Variants in CLDN14 observed in about 807,000 individuals in gnomAD.
The protein encoded by CLDN14 is claudin 14.
CLDN14 carries 2 observed loss-of-function variants against 2.1 expected under a neutral mutation model. That is an observed-to-expected ratio of 0.96 (90% confidence interval 0.39 to 3.01). The LOEUF (loss-of-function observed/expected upper bound fraction) is 3.01. CLDN14 is among the 30% of genes most tolerant of loss of function. CLDN14 has a pLI of 0.09. For missense variants in CLDN14, 298 were observed against 328.0 expected, an observed-to-expected ratio of 0.91 and a Z score of 0.71; for synonymous variants, 136 against 154.4, an observed-to-expected ratio of 0.88 and a Z score of 0.88.
intron 1 of CLDN14, among the ~76,000 whole-genome samples, chr21:36,562,249 G>A (rs534248442): frequency 8.5e-5 from 13 of 152,236 alleles, no homozygotes; most frequent in African/African-American, 2.4e-4. Context: ...TGGGAAATCT[G>A]GCAGGGTATG....
intron 1 of CLDN14, among the ~76,000 whole-genome samples, chr21:36,470,385 G>A (rs965002309): frequency 6.6e-6 from 1 of 152,172 alleles, no homozygotes; most frequent in Non-Finnish European, 1.5e-5. Flanking sequence ...ATGTGCAGAC[G>A]GAGGCAGAGA....
intron 1 of CLDN14, among the ~76,000 whole-genome samples, chr21:36,523,761 A>AGAAAGAG (rs2087293741): frequency 2.1e-5 from 1 of 47,978 alleles, no homozygotes; most frequent in African/African-American, 7.8e-5. Flanking sequence ...AAAAAAAAAA[A>AGAAAGAG]AGAAAGAAAG....
intron 1 of CLDN14, among the ~76,000 whole-genome samples, chr21:36,554,621 C>T (rs1165777067): frequency 1.3e-5 from 2 of 152,118 alleles, no homozygotes. Context: ...GAAGCTTGCC[C>T]AGAGTCACAC....
intron 1 of CLDN14, among the ~76,000 whole-genome samples, chr21:36,548,873 T>C (rs1434505416): frequency 6.6e-6 from 1 of 152,090 alleles, no homozygotes; most frequent in Non-Finnish European, 1.5e-5. Context: ...AGCAAGGCCT[T>C]CCCTGACTGC....
At chr21:36,481,954 G>A (rs951486072), upstream of CLDN14, among the ~76,000 whole-genome samples, 6 of 152,194 alleles carry the variant, frequency 3.9e-5, no homozygotes, top group African/African-American at 1.2e-4. Flanking sequence ...CACACAGAGC[G>A]AGGGAAAATG....
chr21:36,533,907 G>A (rs2087402927), intron 1 of CLDN14, among the ~76,000 whole-genome samples: 2 of 152,166 alleles, frequency 1.3e-5, no homozygotes, highest in African/African-American at 4.8e-5. Flanking sequence ...CTTAATACCT[G>A]GGTGATGAAA....
At chr21:36,538,910 C>A (rs188748534) in intron 1 of CLDN14, among the ~76,000 whole-genome samples, 1 of 152,308 alleles carries the variant, frequency 6.6e-6, no homozygotes, top group East Asian at 1.9e-4. Flanking sequence ...ACCCCCAGCA[C>A]CAGGTCAAGG....
chr21:36,534,021 A>ACGTG (rs2087404422), intron 1 of CLDN14, among the ~76,000 whole-genome samples: 2 of 152,336 alleles, frequency 1.3e-5, no homozygotes, highest in Admixed American at 1.3e-4. Flanking sequence ...GTAAGATCTG[A>ACGTG]CGTGCCTGTG....
chr21:36,530,586 A>G lies in CLDN14; in HGVS notation c.-219-20086T>C, dbSNP rs117110524. Among the ~76,000 whole-genome samples, 31 of 152,376 alleles carry G rather than the reference A, an allele frequency of 2.0e-4. No individual in the cohort carries two copies. In the East Asian group the frequency reaches 2.3e-3, roughly 11 times the overall value. Reference sequence around the variant, plus strand: ...ATAAATCTAACAAAGGGCAGAGGCCATGTGATAACAAAGACAGTAAGTGAA... The same window carrying G: ...ATAAATCTAACAAAGGGCAGAGGCCGTGTGATAACAAAGACAGTAAGTGAA... On this transcript the variant is annotated intron_variant, in intron 1 of 2. Transcript: ENST00000342108.
intron 1 of CLDN14, among the ~76,000 whole-genome samples, chr21:36,465,420 C>A (rs1311823639): frequency 2.0e-5 from 3 of 152,208 alleles, no homozygotes; most frequent in Non-Finnish European, 2.9e-5. Flanking sequence ...TAAGGATTTG[C>A]TAATTTAAGA....
chr21:36,484,073 A>C (rs976488007), upstream of CLDN14, among the ~76,000 whole-genome samples: 2 of 152,214 alleles, frequency 1.3e-5, no homozygotes, highest in Non-Finnish European at 2.9e-5. Context: ...GCAGGGACAC[A>C]GGAACCTAGA....
chr21:36,513,789 C>T (rs940349341), intron 1 of CLDN14, among the ~76,000 whole-genome samples: 1 of 152,146 alleles, frequency 6.6e-6, no homozygotes, highest in Non-Finnish European at 1.5e-5. Context: ...TACAAGCAGC[C>T]CCTCAGTCTG....
chr21:36,571,091 C>T (rs1197541952), intron 1 of CLDN14, among the ~76,000 whole-genome samples: 1 of 152,254 alleles, frequency 6.6e-6, no homozygotes, highest in Non-Finnish European at 1.5e-5. Context: ...CTGCCTGCCT[C>T]AGCCTCCGAA....
At chr21:36,549,491 C>A (rs2087549163) in intron 1 of CLDN14, among the ~76,000 whole-genome samples, 1 of 152,220 alleles carries the variant, frequency 6.6e-6, no homozygotes, top group Non-Finnish European at 1.5e-5. Flanking sequence ...TTTCTCAGGG[C>A]ACCCCACAGA....
intron 2 of CLDN14, among the ~76,000 whole-genome samples, chr21:36,489,131 A>AAAAATATATATATATATATATATATAT: frequency 3.2e-5 from 2 of 62,752 alleles, no homozygotes; most frequent in African/African-American, 5.9e-5. Context: ...AAAAAAAAAA[A>AAAAATATATATATATATATATATATAT]ATATATATAT....
chr21:36,517,157 A>G (rs76902235), intron 1 of CLDN14, among the ~76,000 whole-genome samples: 1 of 152,174 alleles, frequency 6.6e-6, no homozygotes, highest in Non-Finnish European at 1.5e-5. Flanking sequence ...TACATTTTAA[A>G]TGGTTAAAAA....
intron 2 of CLDN14, among the ~76,000 whole-genome samples, chr21:36,494,026 A>G (rs2776290): frequency 0.1 from 15,160 of 152,230 alleles, 921 homozygotes; most frequent in East Asian, 0.28. Flanking sequence ...TTGCTCACAC[A>G]TGAGAGCCCC....
At chr21:36,566,052 A>G (rs774548662) in intron 1 of CLDN14, among the ~76,000 whole-genome samples, 3 of 152,206 alleles carry the variant, frequency 2.0e-5, no homozygotes, top group Non-Finnish European at 4.4e-5. Context: ...ATTTTTTATC[A>G]TATTAGCATG....
At chr21:36,531,658 G>A (rs943029526) in intron 1 of CLDN14, among the ~76,000 whole-genome samples, 3 of 151,344 alleles carry the variant, frequency 2.0e-5, no homozygotes, top group African/African-American at 7.3e-5. Context: ...GTGGAATGGG[G>A]CAGGAGTGTC....
Sources: allele counts gnomAD v4.1 joint callset (sites outside exome capture counted in the v4.1 genomes callset), GRCh38; gene constraint gnomAD v4.1.1; transcripts MANE v1.5; gene names NCBI Gene and HGNC (gene_info 2026-07-23, HGNC 2026-07-21).